MARCHF1: variants seen among roughly 807,000 people sequenced by gnomAD.
The protein encoded by MARCHF1 is E3 ubiquitin-protein ligase MARCHF1.
MARCHF1 carries 40 observed loss-of-function variants against 54.2 expected under a neutral mutation model. The ratio of observed to expected loss-of-function variants is 0.74; its 90% CI spans 0.57 to 0.96. MARCHF1 has a LOEUF of 0.96. MARCHF1 is among the 40% of genes least tolerant of loss of function. The pLI is 0.00. For missense variants in MARCHF1, 586 were observed against 656.5 expected, an observed-to-expected ratio of 0.89 and a Z score of 1.17; for synonymous variants, 236 against 236.3, an observed-to-expected ratio of 1.00 and a Z score of 0.01.
chr4:164,042,900 G>A (rs1027762900), intron 2 of MARCHF1, among the ~76,000 whole-genome samples: 1 of 152,314 alleles, frequency 6.6e-6, no homozygotes, highest in Admixed American at 6.5e-5. Flanking sequence ...AAACCCAGCA[G>A]GGCAGTCATT....
At chr4:164,356,190 TTGTGGAAG>T (rs1730525915) in intron 1 of MARCHF1, among the ~76,000 whole-genome samples, 1 of 109,230 alleles carries the variant, frequency 9.2e-6, no homozygotes, top group Admixed American at 9.2e-5. Context: ...AGTTCAACCA[TTGTGGAAG>T]TCAGTGTGGC....
intron 3 of MARCHF1, among the ~76,000 whole-genome samples, chr4:163,867,831 T>TC (rs1553959677): frequency 6.6e-6 from 1 of 150,714 alleles, no homozygotes; most frequent in Non-Finnish European, 1.5e-5. Flanking sequence ...TTTTTTTTTT[T>TC]CCTGAGAAGC....
intron 3 of MARCHF1, among the ~76,000 whole-genome samples, chr4:163,858,723 A>T (rs1340203952): frequency 6.6e-6 from 1 of 152,168 alleles, no homozygotes; most frequent in East Asian, 1.9e-4. Flanking sequence ...CTCACTATAT[A>T]TTGAGAAAAC....
At chr4:163,804,539 G>A (rs1366700088) in intron 4 of MARCHF1, among the ~76,000 whole-genome samples, 1 of 152,152 alleles carries the variant, frequency 6.6e-6, no homozygotes, top group Non-Finnish European at 1.5e-5. Context: ...ATATCTGGAA[G>A]AAGACTCAGT....
chr4:164,224,292 A>T (rs1469989006), intron 1 of MARCHF1, among the ~76,000 whole-genome samples: 1 of 151,340 alleles, frequency 6.6e-6, no homozygotes, highest in Non-Finnish European at 1.5e-5. Context: ...GCATTAGTGT[A>T]TTTTATGTGT....
chr4:163,866,466 T>TTATATA (rs57733725), intron 3 of MARCHF1, among the ~76,000 whole-genome samples: 24,477 of 124,298 alleles, frequency 0.2, 3,199 homozygotes, highest in East Asian at 0.36. Flanking sequence ...AAAGCTGTAG[T>TTATATA]TATATATATA....
chr4:163,840,531 A>G (rs923641009), intron 4 of MARCHF1, among the ~76,000 whole-genome samples: 3 of 152,098 alleles, frequency 2.0e-5, no homozygotes, highest in African/African-American at 7.2e-5. Flanking sequence ...CCTGATTTGA[A>G]GAAAACGTCA....
chr4:164,190,052 T>C (rs111255012), intron 1 of MARCHF1: 1 of 1,355,686 alleles, frequency 7.4e-7, no homozygotes, highest in African/African-American at 1.4e-5. Flanking sequence ...AGTGCATTGA[T>C]ACTACAAATG....
At chr4:163,978,070 G>C (rs1752684117) in intron 3 of MARCHF1, among the ~76,000 whole-genome samples, 1 of 152,116 alleles carries the variant, frequency 6.6e-6, no homozygotes. Flanking sequence ...CTTGATTCCA[G>C]AAAATTCGTT....
intron 5 of MARCHF1, among the ~76,000 whole-genome samples, chr4:163,620,052 G>A (rs561339222): frequency 2.4e-4 from 37 of 152,248 alleles, no homozygotes; most frequent in African/African-American, 8.9e-4. Flanking sequence ...AGTATTTGGA[G>A]ATCTTTCACG....
At chr4:163,588,266 T>C (rs918465462) in intron 7 of MARCHF1, among the ~76,000 whole-genome samples, 2 of 152,156 alleles carry the variant, frequency 1.3e-5, no homozygotes, top group Non-Finnish European at 2.9e-5. Flanking sequence ...TTAAAAATTA[T>C]CTGAGTGCCT....
At chr4:163,748,035 CTTTCAGG>C (rs1746411602) in intron 4 of MARCHF1, among the ~76,000 whole-genome samples, 1 of 152,216 alleles carries the variant, frequency 6.6e-6, no homozygotes, top group Admixed American at 6.5e-5. Context: ...TATTGTTCCC[CTTTCAGG>C]GAAAGTCATG....
chr4:163,976,089 A>G (rs1348791447), intron 3 of MARCHF1, among the ~76,000 whole-genome samples: 1 of 152,234 alleles, frequency 6.6e-6, no homozygotes, highest in Non-Finnish European at 1.5e-5. Context: ...AAATAAAAGT[A>G]GATCCTAGTT....
At chr4:163,724,480 T>C (rs989062926) in intron 4 of MARCHF1, among the ~76,000 whole-genome samples, 26 of 152,236 alleles carry the variant, frequency 1.7e-4, no homozygotes, top group African/African-American at 5.3e-4. Context: ...GGAGGCAGTC[T>C]GTCCGTTCTC....
In MARCHF1 at chr4:163,758,290, G is replaced by C. The variant is rs1218512290; in HGVS notation, c.112-57427C>G. 2.0e-5 allele frequency among the ~76,000 whole-genome samples: 3 copies of C among 152,060 alleles called. 1 individual carries two copies. In the South Asian group the frequency reaches 6.2e-4, roughly 32 times the overall value. ...TACATTCAGACAAGACAGCTGGACCGGGCTGGGCTGGAGACACAGTGATTT... is the reference window on the plus strand; with the variant it reads ...TACATTCAGACAAGACAGCTGGACCCGGCTGGGCTGGAGACACAGTGATTT... On this transcript the variant is annotated intron_variant, in intron 4 of 9. Transcript: ENST00000514618.
chr4:163,753,075 TC>T (rs1746571034), intron 4 of MARCHF1, among the ~76,000 whole-genome samples: 1 of 152,104 alleles, frequency 6.6e-6, no homozygotes, highest in Non-Finnish European at 1.5e-5. Context: ...CTGCATCTAC[TC>T]GTTATTTAAT....
At chr4:163,943,106 G>A (rs1751949182) in intron 3 of MARCHF1, among the ~76,000 whole-genome samples, 1 of 152,128 alleles carries the variant, frequency 6.6e-6, no homozygotes, top group African/African-American at 2.4e-5. Context: ...TTTGTCAAAT[G>A]CATAGTTTTC....
intron 2 of MARCHF1, among the ~76,000 whole-genome samples, chr4:164,042,959 G>A (rs1754160588): frequency 6.6e-6 from 1 of 152,158 alleles, no homozygotes. Flanking sequence ...CACATCCAGG[G>A]CATGCTAATG....
intron 1 of MARCHF1, among the ~76,000 whole-genome samples, chr4:164,312,901 C>G (rs927512125): frequency 4.6e-5 from 7 of 152,276 alleles, no homozygotes; most frequent in African/African-American, 1.7e-4. Flanking sequence ...CCACAAACTT[C>G]TAAGTTTGCA....
Sources: allele counts gnomAD v4.1 joint callset (sites outside exome capture counted in the v4.1 genomes callset), GRCh38; gene constraint gnomAD v4.1.1; transcripts MANE v1.5; gene names NCBI Gene and HGNC (gene_info 2026-07-23, HGNC 2026-07-21).